KIF6: variants seen among roughly 807,000 people sequenced by gnomAD.
KIF6 encodes the protein kinesin-like protein KIF6.
In KIF6, 106 loss-of-function variants were observed where a neutral mutation model predicts 112.7. The ratio of observed to expected loss-of-function variants is 0.94; its 90% CI spans 0.80 to 1.11. The LOEUF is 1.11. Ranked by LOEUF, KIF6 falls within the 50% of genes least tolerant of loss-of-function variation. KIF6 has a pLI of 0.00. For missense variants in KIF6, 929 were observed against 964.0 expected (o/e 0.96, Z 0.48); for synonymous variants, 339 against 339.9 (o/e 1.00, Z 0.03).
chr6:39,419,419 T>C (rs1049019295), intron 15 of KIF6, among the ~76,000 whole-genome samples: 1 of 150,322 alleles, frequency 6.7e-6, no homozygotes, highest in African/African-American at 2.4e-5. Context: ...TTGCCTTAAC[T>C]TCACCTTTGC....
In KIF6 at chr6:39,507,547, G is replaced by A. The variant is rs148825790; in HGVS notation, c.1645+32456C>T. On this transcript the variant is annotated intron_variant, in intron 13 of 22. Transcript: ENST00000287152. ...TGCAACCTGGGGGAGGGCGGTATAC[G>A]TTTTTTCCCCACAAGGCCATAACCT... 2.2e-3 allele frequency among the ~76,000 whole-genome samples: 339 copies of A among 151,968 alleles called. 2 individuals carry two copies. Among genetic ancestry groups the A allele is most frequent in the Admixed American group, 5.9e-3 (90 of 15,272 alleles).
intron 18 of KIF6, 28 bp downstream of exon 18, chr6:39,360,367 A>T (rs1765034340): frequency 6.2e-7 from 1 of 1,612,878 alleles, no homozygotes; most frequent in South Asian, 1.1e-5. Context: ...GCCCCTCCCC[A>T]GCTTCCCTGA....
chr6:39,639,779 C>T, intron 3 of KIF6, 22 bp from the exon 4 acceptor site: 1 of 1,601,130 alleles, frequency 6.2e-7, no homozygotes, highest in Non-Finnish European at 8.5e-7. Flanking sequence ...AAATGACACA[C>T]TTTCAATATC....
chr6:39,648,076 T>C (rs1582360680), intron 3 of KIF6, among the ~76,000 whole-genome samples: 1 of 148,860 alleles, frequency 6.7e-6, no homozygotes, highest in Non-Finnish European at 1.5e-5. Flanking sequence ...CAGGCTGGAG[T>C]GCAGTGGCAT....
intron 15 of KIF6, among the ~76,000 whole-genome samples, chr6:39,419,699 GGGATGCTGGAGCTCAGGTCTGCCTGA>G (rs1338879278): frequency 6.6e-6 from 1 of 152,170 alleles, no homozygotes; most frequent in Admixed American, 6.5e-5. Flanking sequence ...CTCTCTGATT[GGGATGCTGGAGCTCAGGTCTGCCTGA>G]GGATGAAAAG....
intron 16 of KIF6, among the ~76,000 whole-genome samples, chr6:39,383,640 A>C (rs984251565): frequency 6.6e-6 from 1 of 152,136 alleles, no homozygotes; most frequent in Non-Finnish European, 1.5e-5. Context: ...TTGGCTATTT[A>C]GGCTCTTTTA....
At chr6:39,602,155 A>T (rs1024847198) in intron 6 of KIF6, among the ~76,000 whole-genome samples, 1 of 152,176 alleles carries the variant, frequency 6.6e-6, no homozygotes, top group Non-Finnish European at 1.5e-5. Context: ...ACCATTATTT[A>T]ATAATCCTTT....
intron 16 of KIF6, among the ~76,000 whole-genome samples, chr6:39,380,243 C>G (rs1027928527): frequency 3.9e-5 from 6 of 152,162 alleles, no homozygotes; most frequent in African/African-American, 1.4e-4. Context: ...GGAGTCAGCC[C>G]TCCTATAAGC....
At chr6:39,530,364 T>C (rs1001513283) in intron 13 of KIF6, among the ~76,000 whole-genome samples, 6 of 152,218 alleles carry the variant, frequency 3.9e-5, no homozygotes, top group African/African-American at 1.4e-4. Context: ...CAGGTGACTA[T>C]TTAGAATAGG....
At chr6:39,497,793 CCT>C (rs1314217922) in intron 13 of KIF6, among the ~76,000 whole-genome samples, 3 of 152,210 alleles carry the variant, frequency 2.0e-5, no homozygotes, top group African/African-American at 7.2e-5. Flanking sequence ...ATCTCCTTGT[CCT>C]CTTTACCTTG....
At chr6:39,534,068 G>C (rs1379332606) in intron 13 of KIF6, among the ~76,000 whole-genome samples, 2 of 152,196 alleles carry the variant, frequency 1.3e-5, no homozygotes, top group African/African-American at 4.8e-5. Flanking sequence ...CTGTACATCA[G>C]CATCATCAAA....
chr6:39,599,346 C>T (rs1182625473), intron 6 of KIF6, among the ~76,000 whole-genome samples: 1 of 152,184 alleles, frequency 6.6e-6, no homozygotes, highest in East Asian at 1.9e-4. Flanking sequence ...CAGAGTAACA[C>T]ATTTGAATGG....
At chr6:39,718,263 G>A (rs371891761) in intron 2 of KIF6, among the ~76,000 whole-genome samples, 124 of 149,138 alleles carry the variant, frequency 8.3e-4, no homozygotes, top group Middle Eastern at 3.5e-3. Flanking sequence ...AGAATACTTT[G>A]GATAGGGTCC....
chr6:39,572,933 G>A (rs1582165940), intron 10 of KIF6, among the ~76,000 whole-genome samples: 2 of 150,448 alleles, frequency 1.3e-5, no homozygotes, highest in Non-Finnish European at 2.9e-5. Context: ...GCATAGAAAT[G>A]CTGGGAAATG....
At chr6:39,697,629 G>A (rs543306427) in intron 3 of KIF6, among the ~76,000 whole-genome samples, 2 of 150,182 alleles carry the variant, frequency 1.3e-5, no homozygotes, top group South Asian at 2.1e-4. Context: ...TGTGACCTCC[G>A]CCTCCCAGGT....
chr6:39,522,469 C>T (rs1777452845), intron 13 of KIF6, among the ~76,000 whole-genome samples: 1 of 152,194 alleles, frequency 6.6e-6, no homozygotes, highest in African/African-American at 2.4e-5. Flanking sequence ...CTCCATTTAA[C>T]AACTCTAGCC....
chr6:39,359,040 G>A (rs746120417), intron 18 of KIF6, among the ~76,000 whole-genome samples: 19 of 152,076 alleles, frequency 1.2e-4, no homozygotes, highest in Non-Finnish European at 1.6e-4. Flanking sequence ...TTGTTATCTC[G>A]TGTATTTAAT....
intron 9 of KIF6, chr6:39,583,172 C>A (rs1781390119): frequency 1.9e-5 from 5 of 258,272 alleles, no homozygotes; most frequent in East Asian, 9.3e-5. Context: ...AAACAAAACC[C>A]TCCAATGTCT....
intron 9 of KIF6, 148 bp from the exon 10 acceptor site, chr6:39,578,307 C>T (rs373510027): frequency 1.2e-4 from 66 of 535,996 alleles, no homozygotes; most frequent in South Asian, 6.3e-4. Flanking sequence ...TAAATCTTAA[C>T]GTTTTGTCAA....
Sources: allele counts gnomAD v4.1 joint callset (sites outside exome capture counted in the v4.1 genomes callset), GRCh38; gene constraint gnomAD v4.1.1; transcripts MANE v1.5; gene names NCBI Gene and HGNC (gene_info 2026-07-23, HGNC 2026-07-21).